Variants in IBTK observed in about 807,000 individuals in gnomAD.
IBTK encodes BTK-binding protein.
In IBTK, 83 loss-of-function variants were observed where a neutral mutation model predicts 154.9. The ratio of observed to expected loss-of-function variants is 0.54; its 90% CI spans 0.45 to 0.64. IBTK has a LOEUF of 0.64. IBTK is among the 30% of genes least tolerant of loss of function. The probability of loss-of-function intolerance (pLI) is 0.00; values close to 1 mark genes in which losing one functional copy is unlikely to be tolerated. For missense variants in IBTK, 1,332 were observed against 1,584.6 expected (o/e 0.84, Z 2.71); for synonymous variants, 515 against 536.1 (o/e 0.96, Z 0.54).
chr6:82,234,081 C>A (rs1448323143), intron 3 of IBTK, 78 bp downstream of exon 3: 1 of 520,010 alleles, frequency 1.9e-6, no homozygotes. Context: ...TGAAGTGATC[C>A]GCCTGCCTCA....
chr6:82,246,897 T>C (rs1771169020), intron 1 of IBTK, among the ~76,000 whole-genome samples: 1 of 152,240 alleles, frequency 6.6e-6, no homozygotes, highest in African/African-American at 2.4e-5. Context: ...TAAAAGGTGC[T>C]ACATGAATCT....
intron 28 of IBTK, among the ~76,000 whole-genome samples, chr6:82,171,950 G>T (rs550124037): frequency 1.3e-5 from 2 of 152,170 alleles, no homozygotes; most frequent in Non-Finnish European, 2.9e-5. Context: ...AAGCCTGGCT[G>T]TCTGGTCTTT....
At chr6:82,174,325 A>T (rs1338832265) in intron 26 of IBTK, among the ~76,000 whole-genome samples, 1 of 152,202 alleles carries the variant, frequency 6.6e-6, no homozygotes, top group Admixed American at 6.5e-5. Context: ...CTGATGGGGA[A>T]GATTTAAAAA....
At chr6:82,225,397 T>G (rs1770256386) in intron 6 of IBTK, 80 bp downstream of exon 6, 1 of 1,027,100 alleles carries the variant, frequency 9.7e-7, no homozygotes, top group Non-Finnish European at 1.4e-6. Context: ...TAAGTTGCTC[T>G]GTCAATAACT....
intron 16 of IBTK, among the ~76,000 whole-genome samples, chr6:82,208,306 G>T (rs375394972): frequency 6.6e-6 from 1 of 151,932 alleles, no homozygotes; most frequent in African/African-American, 2.4e-5. Flanking sequence ...CGACTGGGGG[G>T]GGAATTAACT....
At chr6:82,190,007 T>C (rs1288015169) in intron 25 of IBTK, among the ~76,000 whole-genome samples, 1 of 152,168 alleles carries the variant, frequency 6.6e-6, no homozygotes, top group East Asian at 1.9e-4. Context: ...GCACAGTCCC[T>C]TACATTTAGA....
chr6:82,235,619 G>A lies in IBTK; in HGVS notation c.322-1364C>T, dbSNP rs192730534. Among the ~76,000 whole-genome samples, 35 of 152,084 alleles carry A rather than the reference G, an allele frequency of 2.3e-4. No individual in the cohort carries two copies. In the East Asian group the frequency reaches 5.8e-3, roughly 25 times the overall value. ...CAAAAAAACAAAAAAAAATTATCTGGAGAAGGAGAGACATAAAATTTCAAA... is the reference window on the plus strand; with the variant it reads ...CAAAAAAACAAAAAAAAATTATCTGAAGAAGGAGAGACATAAAATTTCAAA... On this transcript the variant is annotated intron_variant, in intron 2 of 28. Transcript: ENST00000306270.
At chr6:82,216,809 A>G (rs144111056) in intron 10 of IBTK, among the ~76,000 whole-genome samples, 4 of 152,308 alleles carry the variant, frequency 2.6e-5, no homozygotes, top group Non-Finnish European at 5.9e-5. Flanking sequence ...TACACAATCT[A>G]GCAGGGAAGA....
intron 25 of IBTK, among the ~76,000 whole-genome samples, chr6:82,185,184 G>GAAAAAAAAAAAAAAAA (rs1196015823): frequency 2.6e-5 from 1 of 37,812 alleles, no homozygotes; most frequent in Non-Finnish European, 5.7e-5. Context: ...CTCTGTCTCA[G>GAAAAAAAAAAAAAAAA]AAAAAAAAAA....
intron 16 of IBTK, 56 bp downstream of exon 16, chr6:82,210,758 T>A (rs1769605253): frequency 1.5e-6 from 1 of 683,178 alleles, no homozygotes; most frequent in Non-Finnish European, 2.4e-6. Flanking sequence ...CACGTTGATT[T>A]TACCATTATT....
At position 82,214,849 on chromosome 6, in the gene IBTK, A is replaced by T. The variant is rs1326774818; in HGVS notation, c.1602-20T>A. 6.6e-7 allele frequency: 1 copy of T among 1,525,104 alleles called. No homozygotes were observed. Among genetic ancestry groups the T allele is most frequent in the Admixed American group, 2.2e-5 (1 of 45,220 alleles). The allele number at this position is 1,525,104 out of a possible 1,614,324, so 94.5% of individuals were successfully genotyped here. On this transcript the variant is annotated intron_variant, in intron 11 of 28. Coordinates refer to ENST00000306270, the MANE Select transcript of IBTK (RefSeq NM_015525.4). ...TAAAGGCTAGAAAGAAGACAAAAAC[A>T]AATTATGCTTCAAAAAATATGAAGG...
rs747743945 is a variant in IBTK, at chr6:82,214,874, G to A, written c.1602-45C>T. ...AAATTATGCTTCAAAAAATATGAAGGAAATCCTTTTTCATACCTAGCCAAT... is the reference window on the plus strand; with the variant it reads ...AAATTATGCTTCAAAAAATATGAAGAAAATCCTTTTTCATACCTAGCCAAT... On this transcript the variant is annotated intron_variant, in intron 11 of 28. Coordinates refer to ENST00000306270, the MANE Select transcript of IBTK (RefSeq NM_015525.4). The A allele has an allele frequency of 6.0e-6, 9 of 1,500,566 alleles. No individual in the cohort carries two copies. In the South Asian group the frequency reaches 1.3e-4, roughly 21 times the overall value. The allele number at this position is 1,500,566 out of a possible 1,614,324, so 93.0% of individuals were successfully genotyped here.
intron 13 of IBTK, 25 bp from the exon 14 acceptor site, chr6:82,211,597 C>G: frequency 6.4e-7 from 1 of 1,564,186 alleles, no homozygotes; most frequent in Non-Finnish European, 8.8e-7. Context: ...TTAATTGAAG[C>G]AAGAGCAATT....
At chr6:82,191,649 C>T in intron 24 of IBTK, 138 bp downstream of exon 24, 1 of 713,820 alleles carries the variant, frequency 1.4e-6, no homozygotes, top group Non-Finnish European at 2.6e-6. Context: ...ATTATGGAGG[C>T]TAAATTGCCC....
At chr6:82,187,472 TG>T (rs1375011697) in intron 25 of IBTK, among the ~76,000 whole-genome samples, 3 of 152,024 alleles carry the variant, frequency 2.0e-5, no homozygotes, top group Admixed American at 6.6e-5. Flanking sequence ...AATCCTAAAG[TG>T]TACAGCAAAG....
intron 23 of IBTK, among the ~76,000 whole-genome samples, chr6:82,193,684 T>C (rs1466963202): frequency 6.6e-6 from 1 of 152,210 alleles, no homozygotes; most frequent in Non-Finnish European, 1.5e-5. Flanking sequence ...ATTTAACTTT[T>C]CTTTTTCTTT....
In IBTK at chr6:82,170,962, AC is replaced by A. The variant is rs1360547672; in HGVS notation, c.*462del. On this transcript the variant is annotated 3_prime_UTR_variant, in exon 29 of 29. Transcript: ENST00000306270. ...TGGTGACACAACTATTACACCAAAC[AC>A]AAAATTCTGGCCATTAATGAATCAG... is the stretch of plus-strand genomic sequence containing the variant. The A allele has an allele frequency of 6.5e-6, 1 of 153,050 alleles. No individual in the cohort carries two copies. The highest frequency in any genetic ancestry group is 2.4e-5 in the African/African-American group (1 of 41,452). 9.5% of individuals were successfully genotyped at this position (153,050 alleles called of 1,614,324 possible). A position where few individuals can be genotyped will look rare whatever the true frequency, so the allele number is the denominator to read the frequency against.
chr6:82,222,596 T>C (rs1770139271), intron 8 of IBTK, among the ~76,000 whole-genome samples: 1 of 152,196 alleles, frequency 6.6e-6, no homozygotes, highest in African/African-American at 2.4e-5. Context: ...AATTAATCAA[T>C]TATAAAAGAT....
At chr6:82,194,712 T>A in intron 22 of IBTK, 70 bp from the exon 23 acceptor site, 1 of 968,164 alleles carries the variant, frequency 1.0e-6, no homozygotes, top group Non-Finnish European at 1.4e-6. Context: ...AGCTGGTACT[T>A]AATAAATATT....
Sources: gnomAD v4.1 joint callset for allele counts (sites outside exome capture counted in the v4.1 genomes callset) on GRCh38, gnomAD v4.1.1 for gene constraint, MANE v1.5 for transcripts, NCBI Gene and HGNC (gene_info 2026-07-23, HGNC 2026-07-21) for gene names.